ZPLD1: variants seen among roughly 807,000 people sequenced by gnomAD.
ZPLD1 encodes the protein zona pellucida like domain containing 1, also known as zona pellucida-like domain-containing protein 1.
A neutral mutation model predicts 47.2 loss-of-function variants in ZPLD1; 34 were observed. The observed-to-expected ratio is 0.72, with a 90% CI of 0.55 to 0.96. The LOEUF (loss-of-function observed/expected upper bound fraction) is 0.96, where lower values mean the gene tolerates loss of function less well. Ranked by LOEUF, ZPLD1 falls within the 40% of genes least tolerant of loss-of-function variation. The pLI is 0.00. For synonymous variants in ZPLD1, 176 were observed against 186.2 expected (o/e 0.95, Z 0.45); for missense variants, 512 against 505.8 (o/e 1.01, Z -0.12).
intron 8 of ZPLD1, among the ~76,000 whole-genome samples, chr3:102,419,904 C>CTT (rs1247043818): frequency 7.0e-6 from 1 of 142,920 alleles, no homozygotes; most frequent in Non-Finnish European, 1.5e-5. Flanking sequence ...CAAATTTGTC[C>CTT]TTTTTTTTTT....
intron 4 of ZPLD1, among the ~76,000 whole-genome samples, chr3:102,453,987 A>G (rs1175811344): frequency 2.0e-5 from 3 of 152,194 alleles, no homozygotes; most frequent in Admixed American, 2.0e-4. Context: ...ATATAATCTT[A>G]TTGGTAAATT....
chr3:102,442,360 AC>A (rs1707193211), intron 3 of ZPLD1, among the ~76,000 whole-genome samples: 1 of 145,228 alleles, frequency 6.9e-6, no homozygotes, highest in Admixed American at 6.8e-5. Flanking sequence ...ACACACACAC[AC>A]ACAGTTACAA....
At chr3:102,460,649 T>C (rs1483443571) in intron 6 of ZPLD1, among the ~76,000 whole-genome samples, 1 of 152,004 alleles carries the variant, frequency 6.6e-6, no homozygotes, top group Non-Finnish European at 1.5e-5. Context: ...ATATAATTGA[T>C]TTTAGGGACA....
chr3:102,394,689 G>A (rs1706537330), intron 7 of ZPLD1, among the ~76,000 whole-genome samples: 1 of 152,130 alleles, frequency 6.6e-6, no homozygotes, highest in Non-Finnish European at 1.5e-5. Context: ...GCGGTCATCT[G>A]TGTCTCTGAA....
At chr3:102,387,153 C>T (rs1160295824) in intron 6 of ZPLD1, among the ~76,000 whole-genome samples, 2 of 152,110 alleles carry the variant, frequency 1.3e-5, no homozygotes, top group African/African-American at 2.4e-5. Context: ...AGCTGGGTCT[C>T]TTGACTCTTC....
chr3:102,393,084 A>C (rs1238195782), intron 7 of ZPLD1, among the ~76,000 whole-genome samples: 1 of 152,110 alleles, frequency 6.6e-6, no homozygotes, highest in East Asian at 1.9e-4. Context: ...TGTCAACACA[A>C]ATATTTTGTA....
At chr3:102,423,800 T>A (rs1275264701) in intron 8 of ZPLD1, among the ~76,000 whole-genome samples, 1 of 151,930 alleles carries the variant, frequency 6.6e-6, no homozygotes, top group Admixed American at 6.6e-5. Context: ...TCTTAAAAGG[T>A]CTTATTTTGT....
chr3:102,462,862 T>C (rs1707530849), intron 7 of ZPLD1, among the ~76,000 whole-genome samples: 1 of 152,014 alleles, frequency 6.6e-6, no homozygotes, highest in Admixed American at 6.6e-5. Flanking sequence ...CTTAAGAAAA[T>C]TCAGAGCAAT....
At chr3:102,452,793 G>A in intron 3 of ZPLD1, 126 bp from the exon 4 acceptor site, 1 of 1,043,714 alleles carries the variant, frequency 9.6e-7, no homozygotes, top group African/African-American at 1.6e-5. Flanking sequence ...TTGGATTATG[G>A]TGTATCAAAT....
intron 8 of ZPLD1, among the ~76,000 whole-genome samples, chr3:102,426,076 AATTAGTATAATC>A (rs1002418201): frequency 6.6e-6 from 1 of 151,682 alleles, no homozygotes; most frequent in African/African-American, 2.4e-5. Flanking sequence ...GAAATAGTAT[AATTAGTATAATC>A]TTTAACATTT....
At chr3:102,400,308 T>C (rs1706605011) in intron 7 of ZPLD1, among the ~76,000 whole-genome samples, 1 of 152,104 alleles carries the variant, frequency 6.6e-6, no homozygotes, top group South Asian at 2.1e-4. Context: ...GGGTTTTATG[T>C]AGGAAATTTT....
intron 3 of ZPLD1, among the ~76,000 whole-genome samples, chr3:102,449,585 C>T (rs1240441644): frequency 6.6e-6 from 1 of 152,168 alleles, no homozygotes; most frequent in Non-Finnish European, 1.5e-5. Flanking sequence ...ATCCATGGTC[C>T]ATTATCTACT....
At chr3:102,471,798 T>A (rs1707690214) in intron 10 of ZPLD1, among the ~76,000 whole-genome samples, 1 of 152,264 alleles carries the variant, frequency 6.6e-6, no homozygotes, top group Non-Finnish European at 1.5e-5. Flanking sequence ...TTAACAAGTT[T>A]ATAAAGTTTT....
At chr3:102,436,749 T>A in intron 1 of ZPLD1, 111 bp from the exon 2 acceptor site, 1 of 339,782 alleles carries the variant, frequency 2.9e-6, no homozygotes, top group Non-Finnish European at 4.2e-6. Context: ...GTGCAAAGTG[T>A]ACATTCAGTA....
chr3:102,389,322 T>C (rs1706470352), intron 6 of ZPLD1, among the ~76,000 whole-genome samples: 1 of 152,204 alleles, frequency 6.6e-6, no homozygotes, highest in Non-Finnish European at 1.5e-5. Flanking sequence ...TCAGGAGTTG[T>C]GCTAAGTGCT....
chr3:102,393,306 T>C (rs575088376), intron 7 of ZPLD1, among the ~76,000 whole-genome samples: 45 of 152,278 alleles, frequency 3.0e-4, no homozygotes, highest in South Asian at 1.5e-3. Context: ...CGTGTGTTCA[T>C]TGTACCAGTG....
chr3:102,432,258 C>T (rs1707024945), upstream of ZPLD1, among the ~76,000 whole-genome samples: 1 of 152,108 alleles, frequency 6.6e-6, no homozygotes, highest in Admixed American at 6.5e-5. Flanking sequence ...GAGGCCATGC[C>T]CCTACAGGAA....
intron 8 of ZPLD1, among the ~76,000 whole-genome samples, chr3:102,466,398 GC>G (rs1707594151): frequency 6.6e-6 from 1 of 152,158 alleles, no homozygotes; most frequent in Non-Finnish European, 1.5e-5. Flanking sequence ...GGTATTTCTT[GC>G]AGTGTTCCAA....
intron 8 of ZPLD1, among the ~76,000 whole-genome samples, chr3:102,466,373 T>A (rs1052867009): frequency 6.6e-6 from 1 of 152,204 alleles, no homozygotes; most frequent in Non-Finnish European, 1.5e-5. Flanking sequence ...CAAACTTGAA[T>A]GATAAACAGA....
Sources: gnomAD v4.1 joint callset for allele counts (sites outside exome capture counted in the v4.1 genomes callset) on GRCh38, gnomAD v4.1.1 for gene constraint, MANE v1.5 for transcripts, NCBI Gene and HGNC (gene_info 2026-07-23, HGNC 2026-07-21) for gene names.